NRXN3: variants seen among roughly 807,000 people sequenced by gnomAD.
NRXN3 encodes neurexin III.
Under a neutral mutation model 137.6 loss-of-function variants are expected in NRXN3, and 32 were observed. The observed-to-expected ratio is 0.23, with a 90% CI of 0.18 to 0.31. NRXN3 has a LOEUF of 0.31. Among genes scored for constraint, NRXN3 ranks in the 10% least tolerant of loss-of-function variants. The pLI is 1.00. For synonymous variants in NRXN3, 798 were observed against 784.5 expected, an observed-to-expected ratio of 1.02 and a Z score of -0.29; for missense variants, 1,574 against 2,062.5, an observed-to-expected ratio of 0.76 and a Z score of 4.59.
chr14:79,176,484 C>T (rs141290123), intron 15 of NRXN3, among the ~76,000 whole-genome samples: 193 of 152,278 alleles, frequency 1.3e-3, no homozygotes, highest in African/African-American at 4.0e-3. Flanking sequence ...CAGTGATGTA[C>T]AGACTCTTCC....
chr14:78,532,218 G>A (rs998257978), intron 4 of NRXN3, among the ~76,000 whole-genome samples: 27 of 151,768 alleles, frequency 1.8e-4, no homozygotes, highest in Non-Finnish European at 2.8e-4. Context: ...CTACTCGGGA[G>A]GCTGAGGCAG....
At chr14:78,371,444 C>G (rs1156882221) in intron 4 of NRXN3, among the ~76,000 whole-genome samples, 1 of 152,172 alleles carries the variant, frequency 6.6e-6, no homozygotes, top group Non-Finnish European at 1.5e-5. Context: ...TTTTCATCAC[C>G]TTTGAGACCG....
chr14:78,826,446 GCCA>G (rs1413457535), intron 10 of NRXN3, among the ~76,000 whole-genome samples: 1 of 152,122 alleles, frequency 6.6e-6, no homozygotes, highest in African/African-American at 2.4e-5. Flanking sequence ...GTTCCATTGT[GCCA>G]TTGAACTTGA....
At chr14:78,824,102 TC>T (rs1370095613) in intron 10 of NRXN3, among the ~76,000 whole-genome samples, 1 of 95,566 alleles carries the variant, frequency 1.0e-5, no homozygotes, top group African/African-American at 3.3e-5. Flanking sequence ...GTCACCTGCT[TC>T]TTTTTTTTTT....
intron 15 of NRXN3, among the ~76,000 whole-genome samples, chr14:79,071,873 T>C (rs989279402): frequency 6.6e-6 from 1 of 152,160 alleles, no homozygotes; most frequent in African/African-American, 2.4e-5. Context: ...GGCTACCCCA[T>C]TTACCCTGAT....
chr14:79,787,527 A>G (rs1291233961), intron 19 of NRXN3, among the ~76,000 whole-genome samples: 3 of 152,200 alleles, frequency 2.0e-5, no homozygotes, highest in African/African-American at 4.8e-5. Context: ...GTAGTCTTCA[A>G]CCAACATCTC....
chr14:79,527,186 C>T (rs140121688), intron 16 of NRXN3, among the ~76,000 whole-genome samples: 3,092 of 144,746 alleles, frequency 0.021, 38 homozygotes, highest in East Asian at 0.06. Context: ...CCTAGCTACT[C>T]GGGAGGCTGA....
chr14:79,611,062 G>T (rs2098092421), intron 16 of NRXN3, among the ~76,000 whole-genome samples: 1 of 152,254 alleles, frequency 6.6e-6, no homozygotes, highest in East Asian at 1.9e-4. Flanking sequence ...CTTCATGATG[G>T]AATGCGTCAA....
chr14:78,792,526 T>G (rs1261312474), intron 8 of NRXN3, among the ~76,000 whole-genome samples: 1 of 152,114 alleles, frequency 6.6e-6, no homozygotes, highest in Non-Finnish European at 1.5e-5. Flanking sequence ...AAGAAATTAC[T>G]CAAAGGTATC....
chr14:79,434,703 G>A (rs561360804), intron 15 of NRXN3, among the ~76,000 whole-genome samples: 1 of 152,156 alleles, frequency 6.6e-6, no homozygotes, highest in African/African-American at 2.4e-5. Context: ...GGGGTGGGGA[G>A]GGTCCCCTGT....
chr14:79,370,459 C>G (rs2094063626), intron 15 of NRXN3, among the ~76,000 whole-genome samples: 1 of 151,836 alleles, frequency 6.6e-6, no homozygotes, highest in African/African-American at 2.4e-5. Context: ...GCTGGGATTA[C>G]AGGCATGCGC....
Position 78,645,230 on chromosome 14 carries a change from T to C in NRXN3, c.868T>C (p.Trp290Arg), listed in dbSNP as rs771218621. ...TGAAATCACCCTCTCCTTTAAGACC[T>C]GGCAGCGTAACGGCCTCATCCTGCA... ...SDEITLSFKT[W>R]QRNGLILHTG... The change falls in exon 5 of 21, where the codon TGG becomes CGG. Residue 290 changes from tryptophan (W) to arginine (R), a missense_variant. This residue lies in a region of NRXN3 where 400 missense variants were observed against 527.3 expected (regional missense o/e 0.76). Coordinates refer to ENST00000335750, the MANE Select transcript of NRXN3 (RefSeq NM_001330195.2). 3 of 1,598,730 alleles carry C rather than the reference T, an allele frequency of 1.9e-6. No homozygotes were observed. Among genetic ancestry groups the C allele is most frequent in the South Asian group, 1.1e-5 (1 of 91,020 alleles).
At chr14:78,295,279 C>T (rs978921495) in intron 3 of NRXN3, among the ~76,000 whole-genome samples, 1 of 152,174 alleles carries the variant, frequency 6.6e-6, no homozygotes, top group Non-Finnish European at 1.5e-5. Flanking sequence ...GCTTTATTGG[C>T]TATAAAACCA....
chr14:79,236,347 A>G (rs1042395962), intron 15 of NRXN3, among the ~76,000 whole-genome samples: 2 of 152,112 alleles, frequency 1.3e-5, no homozygotes, highest in Non-Finnish European at 2.9e-5. Context: ...GTGTGTGTAT[A>G]TGTACATATG....
At chr14:78,397,921 T>G (rs889822044) in intron 4 of NRXN3, among the ~76,000 whole-genome samples, 2 of 150,672 alleles carry the variant, frequency 1.3e-5, no homozygotes, top group African/African-American at 2.4e-5. Flanking sequence ...GCTTTTAAAA[T>G]GACTGTTTTA....
At chr14:79,656,674 T>G (rs1184925805) in intron 16 of NRXN3, among the ~76,000 whole-genome samples, 1 of 151,220 alleles carries the variant, frequency 6.6e-6, no homozygotes, top group Non-Finnish European at 1.5e-5. Context: ...TATTTATCAG[T>G]CTTATCTCTC....
intron 10 of NRXN3, among the ~76,000 whole-genome samples, chr14:78,890,230 C>A (rs1421300434): frequency 1.3e-5 from 2 of 151,790 alleles, no homozygotes; most frequent in African/African-American, 4.8e-5. Flanking sequence ...GGATAATCTA[C>A]AAAATACATG....
intron 15 of NRXN3, among the ~76,000 whole-genome samples, chr14:79,272,216 G>GTTTT (rs71131691): frequency 1.5e-5 from 2 of 132,598 alleles, no homozygotes; most frequent in African/African-American, 2.8e-5. Flanking sequence ...TTTGGTTTAG[G>GTTTT]TTTTTTTTTT....
intron 15 of NRXN3, among the ~76,000 whole-genome samples, chr14:79,083,249 G>T (rs1304766913): frequency 6.6e-6 from 1 of 152,172 alleles, no homozygotes; most frequent in Non-Finnish European, 1.5e-5. Flanking sequence ...AGGAGTATTG[G>T]CAGAGTGAAG....
Sources: allele counts gnomAD v4.1 joint callset (sites outside exome capture counted in the v4.1 genomes callset), GRCh38; gene constraint gnomAD v4.1.1; regional missense constraint gnomAD v4.1.1; transcripts MANE v1.5; gene names NCBI Gene and HGNC (gene_info 2026-07-23, HGNC 2026-07-21).